The following FRYL variants were observed in gnomAD, a reference collection of about 807,000 sequenced individuals.
FRYL encodes protein furry homolog-like.
Under a neutral mutation model 351.2 loss-of-function variants are expected in FRYL, and 150 were observed. The ratio of observed to expected loss-of-function variants is 0.43; its 90% CI spans 0.37 to 0.49. The LOEUF is 0.49. FRYL is among the 20% of genes least tolerant of loss of function. The pLI, the probability that FRYL is intolerant of heterozygous loss-of-function variation, is 0.00. For missense variants in FRYL, 3,036 were observed against 3,619.3 expected, an observed-to-expected ratio of 0.84 and a Z score of 4.13; for synonymous variants, 1,153 against 1,257.1, an observed-to-expected ratio of 0.92 and a Z score of 1.75.
intron 1 of FRYL, among the ~76,000 whole-genome samples, chr4:48,746,510 A>G (rs577877259): frequency 6.6e-6 from 1 of 151,328 alleles, no homozygotes; most frequent in South Asian, 2.1e-4. Context: ...ACACCACTGC[A>G]CTCCAGCCCG....
intron 33 of FRYL, among the ~76,000 whole-genome samples, chr4:48,559,528 CAA>C (rs67320603): frequency 6.9e-3 from 71 of 10,356 alleles, no homozygotes; most frequent in Non-Finnish European, 8.9e-3. Flanking sequence ...CCTCTCTCTC[CAA>C]AAAAAAAAAA....
At chr4:48,745,303 C>T (rs551584779) in intron 1 of FRYL, among the ~76,000 whole-genome samples, 69 of 152,226 alleles carry the variant, frequency 4.5e-4, no homozygotes, top group African/African-American at 1.6e-3. Context: ...CACATGCACA[C>T]GTATGTTTAT....
At chr4:48,597,013 C>T (rs924144683) in intron 13 of FRYL, among the ~76,000 whole-genome samples, 4 of 151,964 alleles carry the variant, frequency 2.6e-5, no homozygotes, top group African/African-American at 4.8e-5. Context: ...TCATTAGACT[C>T]GCAGTATCAA....
At chr4:48,679,983 T>G (rs1764365230) in intron 3 of FRYL, among the ~76,000 whole-genome samples, 1 of 152,070 alleles carries the variant, frequency 6.6e-6, no homozygotes. Flanking sequence ...AATCATTATA[T>G]TCACACAACA....
At chr4:48,643,191 G>A (rs756028005) in intron 3 of FRYL, among the ~76,000 whole-genome samples, 8 of 152,174 alleles carry the variant, frequency 5.3e-5, no homozygotes, top group Non-Finnish European at 1.0e-4. Context: ...AGGGACTGGG[G>A]GAGGTTGACA....
rs777912119 is a variant in FRYL at position 48,580,895 on chromosome 4, C to A, written c.2229G>T (p.Glu743Asp). 5.0e-6 allele frequency: 8 copies of A among 1,611,130 alleles called. No individual in the cohort carries two copies. The Admixed American group carries it at 1.3e-4, about 27-fold the overall frequency. ...CAGCCCCAGTGAGATGTATGAAGCT[C>A]TCAAGAATGGATGGGCTTAGCCTGT... Reference protein sequence around the residue: ...VMDRLSPSILESFIHLTGADQ... With the variant: ...VMDRLSPSILDSFIHLTGADQ... Residue 743 changes from glutamate to aspartate, a missense_variant, in exon 22 of 64, where the codon GAG becomes GAT. Transcript: ENST00000358350.
At chr4:48,502,904 A>G (rs1396132048) in intron 60 of FRYL, 59 bp from the exon 61 acceptor site, 23 of 1,400,118 alleles carry the variant, frequency 1.6e-5, no homozygotes, top group Non-Finnish European at 1.9e-5. Context: ...ACCAAGAATT[A>G]GTGTAAGAAA....
chr4:48,737,792 C>T (rs1422385801), intron 1 of FRYL, among the ~76,000 whole-genome samples: 3 of 152,140 alleles, frequency 2.0e-5, no homozygotes, highest in African/African-American at 7.2e-5. Context: ...GTATTTATCC[C>T]AGATATGCAA....
chr4:48,528,023 A>G lies in FRYL; in HGVS notation c.7088T>C (p.Met2363Thr). The G allele has an allele frequency of 6.3e-7, 1 of 1,582,090 alleles. No individual in the cohort carries two copies. The highest frequency in any genetic ancestry group is 8.5e-7 in the Non-Finnish European group (1 of 1,171,186). The change falls in exon 52 of 64, where the codon ATG (methionine) becomes ACG (threonine). Residue 2363 changes from methionine (M) to threonine (T), a missense_variant. By Grantham distance (81) the Met-to-Thr change is moderately conservative. Coordinates refer to ENST00000358350, the MANE Select transcript of FRYL (RefSeq NM_015030.2). The stretch of plus-strand genomic sequence containing the variant: ...TGGACCACAGAGAGAAAGCACATTC[A>G]TTAGCTTTTCTCTTGTTCTTCGCTA... ...LSQRRTREKL[M>T]NVLSLCGPES...
chr4:48,690,861 T>C (rs1267533445), intron 2 of FRYL, among the ~76,000 whole-genome samples: 2 of 152,288 alleles, frequency 1.3e-5, no homozygotes, highest in East Asian at 3.9e-4. Flanking sequence ...TATAAAACAA[T>C]TGCAATGAAA....
At chr4:48,565,733 TTTTGC>T (rs1346764321) in intron 28 of FRYL, 42 bp from the exon 29 acceptor site, 2 of 1,573,034 alleles carry the variant, frequency 1.3e-6, no homozygotes, top group South Asian at 1.2e-5. Flanking sequence ...TTCCATTTCT[TTTTGC>T]TTTAACTTTT....
chr4:48,767,514 G>A lies in FRYL; in HGVS notation c.-384+12564C>T, dbSNP rs183286055. On this transcript the variant is annotated intron_variant, in intron 1 of 63. Transcript: ENST00000358350. ...AGAACATCCTGCCATTTACAACCACGTGGATGAACCTGGAGGACATTATGC... is the reference window on the plus strand; with the variant it reads ...AGAACATCCTGCCATTTACAACCACATGGATGAACCTGGAGGACATTATGC... Among the ~76,000 whole-genome samples, 136 of 152,220 alleles carry A rather than the reference G, an allele frequency of 8.9e-4. 2 individuals carry two copies. In the Middle Eastern group the frequency reaches 0.01, roughly 11 times the overall value.
At chr4:48,611,159 T>A (rs547486829) in intron 7 of FRYL, among the ~76,000 whole-genome samples, 16 of 152,154 alleles carry the variant, frequency 1.1e-4, no homozygotes, top group African/African-American at 3.6e-4. Flanking sequence ...TGATATAAAA[T>A]GGTGTAGTAT....
intron 7 of FRYL, among the ~76,000 whole-genome samples, chr4:48,614,520 G>A (rs1168726458): frequency 2.6e-5 from 4 of 151,892 alleles, no homozygotes; most frequent in South Asian, 2.1e-4. Flanking sequence ...TCAGGAGTTC[G>A]TGACTAGCCT....
chr4:48,579,921 C>T (rs1740497680), intron 22 of FRYL, among the ~76,000 whole-genome samples: 1 of 152,104 alleles, frequency 6.6e-6, no homozygotes, highest in African/African-American at 2.4e-5. Context: ...GATACACTAA[C>T]TACCCTGATT....
At chr4:48,510,029 AC>A in intron 59 of FRYL, 29 bp downstream of exon 59, 4 of 1,494,062 alleles carry the variant, frequency 2.7e-6, no homozygotes, top group Non-Finnish European at 3.7e-6. Context: ...AGAGCAAACC[AC>A]TTTTCGCACA....
intron 12 of FRYL, 107 bp from the exon 13 acceptor site, chr4:48,602,228 A>T (rs1283937175): frequency 1.6e-6 from 1 of 641,236 alleles, no homozygotes; most frequent in Non-Finnish European, 2.8e-6. Flanking sequence ...CAAATCTTTT[A>T]AGCAGTTTTC....
At chr4:48,711,750 G>A (rs538936724) in intron 1 of FRYL, among the ~76,000 whole-genome samples, 291 of 147,926 alleles carry the variant, frequency 2.0e-3, no homozygotes, top group African/African-American at 7.1e-3. Flanking sequence ...CTGAGAATGG[G>A]CAGACTGCCT....
At chr4:48,715,479 A>G (rs1347590072) in intron 1 of FRYL, among the ~76,000 whole-genome samples, 3 of 151,770 alleles carry the variant, frequency 2.0e-5, no homozygotes, top group African/African-American at 7.3e-5. Flanking sequence ...TACACCAATA[A>G]CAGACAAACA....
Sources: gnomAD v4.1 joint callset for allele counts (sites outside exome capture counted in the v4.1 genomes callset) on GRCh38, gnomAD v4.1.1 for gene constraint, MANE v1.5 for transcripts, NCBI Gene and HGNC (gene_info 2026-07-23, HGNC 2026-07-21) for gene names.